The following GNAQ variants were observed in gnomAD, a reference collection of about 807,000 sequenced individuals.
GNAQ encodes the protein G protein subunit alpha q.
In GNAQ, 8 loss-of-function variants were observed where a neutral mutation model predicts 43.9. The ratio of observed to expected loss-of-function variants is 0.18; its 90% CI spans 0.11 to 0.33. The LOEUF (loss-of-function observed/expected upper bound fraction) is 0.33, where lower values mean the gene tolerates loss of function less well. GNAQ is among the 10% of genes least tolerant of loss of function. The pLI is 1.00. For missense variants in GNAQ, 158 were observed against 450.8 expected, an observed-to-expected ratio of 0.35 and a Z score of 5.88; for synonymous variants, 155 against 170.7, an observed-to-expected ratio of 0.91 and a Z score of 0.71.
At chr9:78,027,271 T>C (rs186278646) in intron 1 of GNAQ, among the ~76,000 whole-genome samples, 2 of 152,354 alleles carry the variant, frequency 1.3e-5, no homozygotes, top group Admixed American at 6.5e-5. Context: ...AAAAACATTA[T>C]ATATTCCTAT....
intron 5 of GNAQ, among the ~76,000 whole-genome samples, chr9:77,794,103 GAAAAC>G (rs1447163182): frequency 1.3e-5 from 2 of 152,042 alleles, no homozygotes; most frequent in East Asian, 3.9e-4. Context: ...TAAACAAAAT[GAAAAC>G]AAAACAAAAC....
chr9:77,893,209 G>A (rs1315920374), intron 2 of GNAQ, among the ~76,000 whole-genome samples: 1 of 152,184 alleles, frequency 6.6e-6, no homozygotes, highest in African/African-American at 2.4e-5. Context: ...ACAAGATACA[G>A]GTCATAAAGA....
chr9:77,786,115 C>T (rs572071416), intron 5 of GNAQ, among the ~76,000 whole-genome samples: 1 of 152,214 alleles, frequency 6.6e-6, no homozygotes, highest in East Asian at 1.9e-4. Context: ...CGGTGGCTCA[C>T]GCCTGTAATC....
chr9:77,743,875 G>A (rs757467631), intron 5 of GNAQ, among the ~76,000 whole-genome samples: 1 of 152,184 alleles, frequency 6.6e-6, no homozygotes, highest in Non-Finnish European at 1.5e-5. Flanking sequence ...CTGGAAGTCA[G>A]AAACTCAAAG....
At chr9:77,993,004 T>C (rs1823527592) in intron 1 of GNAQ, among the ~76,000 whole-genome samples, 1 of 152,204 alleles carries the variant, frequency 6.6e-6, no homozygotes, top group South Asian at 2.1e-4. Context: ...TATTTTTCTA[T>C]TGTAATATCA....
intron 1 of GNAQ, among the ~76,000 whole-genome samples, chr9:78,009,704 A>G (rs1489872121): frequency 1.3e-5 from 2 of 152,240 alleles, no homozygotes; most frequent in Non-Finnish European, 2.9e-5. Context: ...TAGAGAATGA[A>G]CAGGGTAGAA....
chr9:77,825,471 C>T (rs923417445), intron 2 of GNAQ, among the ~76,000 whole-genome samples: 2 of 152,100 alleles, frequency 1.3e-5, no homozygotes, highest in South Asian at 2.1e-4. Flanking sequence ...TTCAAGCAGA[C>T]GGTAAAGGCA....
chr9:77,904,084 C>A (rs1216911938), intron 2 of GNAQ, among the ~76,000 whole-genome samples: 1 of 152,094 alleles, frequency 6.6e-6, no homozygotes, highest in African/African-American at 2.4e-5. Flanking sequence ...ACTTGCTGAT[C>A]TTAGATAAAG....
intron 2 of GNAQ, among the ~76,000 whole-genome samples, chr9:77,836,517 T>C (rs897682659): frequency 6.6e-6 from 1 of 151,902 alleles, no homozygotes; most frequent in Non-Finnish European, 1.5e-5. Context: ...GCAAACCAGG[T>C]TCTAGGGAAG....
At chr9:77,816,521 G>T (rs886212467) in intron 2 of GNAQ, among the ~76,000 whole-genome samples, 1 of 151,992 alleles carries the variant, frequency 6.6e-6, no homozygotes, top group African/African-American at 2.4e-5. Flanking sequence ...AATATTTTAT[G>T]GTCAACCCTC....
intron 1 of GNAQ, among the ~76,000 whole-genome samples, chr9:78,000,012 T>C (rs1823623759): frequency 6.6e-6 from 1 of 152,174 alleles, no homozygotes. Context: ...TTAATATGCT[T>C]AGAAAGTACT....
chr9:77,891,335 T>G (rs1828402729), intron 2 of GNAQ, among the ~76,000 whole-genome samples: 1 of 152,208 alleles, frequency 6.6e-6, no homozygotes, highest in Non-Finnish European at 1.5e-5. Flanking sequence ...GTTTAAATAG[T>G]TTCTGTATAT....
chr9:77,934,540 A>G (rs1829204142), intron 1 of GNAQ, among the ~76,000 whole-genome samples: 1 of 152,134 alleles, frequency 6.6e-6, no homozygotes, highest in Non-Finnish European at 1.5e-5. Flanking sequence ...CCCAGTTAAG[A>G]GAAGCAATGA....
At chr9:77,942,102 TAAAAC>T (rs1404507794) in intron 1 of GNAQ, among the ~76,000 whole-genome samples, 2 of 151,968 alleles carry the variant, frequency 1.3e-5, no homozygotes, top group Non-Finnish European at 2.9e-5. Context: ...TTTGTAAAAA[TAAAAC>T]AGTTGTTAAG....
rs112715154 is a variant in GNAQ, at chr9:77,816,437, A to G, written c.322-667T>C. On this transcript the variant is annotated intron_variant, in intron 2 of 6. Coordinates refer to ENST00000286548, the MANE Select transcript of GNAQ (RefSeq NM_002072.5). Reference sequence around the variant, plus strand: ...CTATTCAATTTTTTAACAATGTAAAATAACTTGGCTATATTCATTTAGCAG... The same window carrying G: ...CTATTCAATTTTTTAACAATGTAAAGTAACTTGGCTATATTCATTTAGCAG... Among the ~76,000 whole-genome samples the G allele has an allele frequency of 5.6e-3, 854 of 152,312 alleles. 1 individual carries two copies. Among genetic ancestry groups the G allele is most frequent in the African/African-American group, 0.019 (808 of 41,572 alleles).
At chr9:77,769,696 G>A (rs1401823671) in intron 5 of GNAQ, among the ~76,000 whole-genome samples, 11 of 134,922 alleles carry the variant, frequency 8.2e-5, no homozygotes, top group African/African-American at 2.8e-4. Context: ...ATGGAGTCTC[G>A]CTCTGTCACC....
At chr9:77,905,864 A>G (rs777412513) in intron 2 of GNAQ, among the ~76,000 whole-genome samples, 16 of 152,196 alleles carry the variant, frequency 1.1e-4, no homozygotes, top group Admixed American at 2.0e-4. Context: ...CTCTCTCATA[A>G]GTAGGAGTTG....
At chr9:77,722,713 G>A (rs1030239748) in intron 6 of GNAQ, among the ~76,000 whole-genome samples, 6 of 147,286 alleles carry the variant, frequency 4.1e-5, no homozygotes, top group Non-Finnish European at 8.9e-5. Flanking sequence ...CTACAGTGTA[G>A]TGGAATGATC....
chr9:77,992,909 T>C (rs939004307), intron 1 of GNAQ, among the ~76,000 whole-genome samples: 1 of 152,178 alleles, frequency 6.6e-6, no homozygotes, highest in African/African-American at 2.4e-5. Flanking sequence ...CAAGCCACTA[T>C]TCTCCAGCCT....
Sources: gnomAD v4.1 joint callset for allele counts (sites outside exome capture counted in the v4.1 genomes callset) on GRCh38, gnomAD v4.1.1 for gene constraint, MANE v1.5 for transcripts, NCBI Gene and HGNC (gene_info 2026-07-23, HGNC 2026-07-21) for gene names.